Variants in PCDH15 observed in about 807,000 individuals in gnomAD.
The protein encoded by PCDH15 is protocadherin-15.
Under a neutral mutation model 178.5 loss-of-function variants are expected in PCDH15, and 129 were observed. The ratio of observed to expected loss-of-function variants is 0.72; its 90% CI spans 0.63 to 0.84. The LOEUF (loss-of-function observed/expected upper bound fraction) is 0.84, where lower values mean the gene tolerates loss of function less well. Among genes scored for constraint, PCDH15 ranks in the 40% least tolerant of loss-of-function variants. The pLI is 0.00. For missense variants in PCDH15, 2,230 were observed against 2,099.9 expected (o/e 1.06, Z -1.21); for synonymous variants, 800 against 732.0 (o/e 1.09, Z -1.50).
At chr10:54,405,476 T>C (rs1952525145) in intron 3 of PCDH15, among the ~76,000 whole-genome samples, 1 of 151,980 alleles carries the variant, frequency 6.6e-6, no homozygotes, top group South Asian at 2.1e-4. Flanking sequence ...AAGTGGGATA[T>C]TAATGATGAT....
At chr10:54,661,341 A>C (rs1051245647) in intron 2 of PCDH15, among the ~76,000 whole-genome samples, 1 of 151,986 alleles carries the variant, frequency 6.6e-6, no homozygotes, top group African/African-American at 2.4e-5. Flanking sequence ...AACAAAGGAG[A>C]CCAATGAGGT....
chr10:55,040,031 C>T (rs1286017073), intron 2 of PCDH15, among the ~76,000 whole-genome samples: 3 of 151,644 alleles, frequency 2.0e-5, no homozygotes, highest in East Asian at 1.9e-4. Context: ...ACAGAATTAC[C>T]CAAATTTAAC....
intron 2 of PCDH15, among the ~76,000 whole-genome samples, chr10:55,438,225 A>AC (rs59326838): frequency 2.0e-5 from 3 of 151,608 alleles, no homozygotes; most frequent in Admixed American, 6.6e-5. Context: ...ACACACACAC[A>AC]AAATACCTAC....
intron 7 of PCDH15, 109 bp from the exon 8 acceptor site, chr10:54,317,550 G>A: frequency 7.9e-7 from 1 of 1,264,276 alleles, no homozygotes; most frequent in Non-Finnish European, 1.1e-6. Context: ...CAAGGTGGGT[G>A]GATCACTTGA....
chr10:55,054,237 T>C (rs1279476306), intron 2 of PCDH15, among the ~76,000 whole-genome samples: 1 of 152,154 alleles, frequency 6.6e-6, no homozygotes, highest in Non-Finnish European at 1.5e-5. Context: ...TCTATGTGTT[T>C]TCATCATTTA....
intron 3 of PCDH15, among the ~76,000 whole-genome samples, chr10:54,443,809 G>C (rs958638248): frequency 1.3e-5 from 2 of 151,436 alleles, no homozygotes; most frequent in African/African-American, 4.8e-5. Flanking sequence ...TAATCAACCT[G>C]GCTGCTCTGA....
rs538159807 is a variant in PCDH15, at chr10:53,825,066, AG to A, written c.4367+2326del. ...AAGATCACTGTATTTACAGTACAAC[AG>A]CATTTTAATCTGTTCTATTGTATCT... On this transcript the variant is annotated intron_variant, in intron 32 of 37. Transcript: ENST00000644397. 3.5e-4 allele frequency: 513 copies of A among 1,450,734 alleles called. 1 individual carries two copies. Among genetic ancestry groups the A allele is most frequent in the Non-Finnish European group, 4.5e-4 (494 of 1,100,760 alleles). The allele number at this position is 1,450,734 out of a possible 1,614,324, so 89.9% of individuals were successfully genotyped here.
intron 2 of PCDH15, among the ~76,000 whole-genome samples, chr10:55,027,838 T>G (rs1459939177): frequency 6.6e-6 from 1 of 151,926 alleles, no homozygotes; most frequent in Non-Finnish European, 1.5e-5. Context: ...TTTTGTCAAT[T>G]ATATTTTAAT....
At chr10:54,853,868 G>A (rs1422530509) in intron 3 of PCDH15, among the ~76,000 whole-genome samples, 1 of 152,152 alleles carries the variant, frequency 6.6e-6, no homozygotes, top group Admixed American at 6.5e-5. Context: ...TATGCCACAA[G>A]ATCTTTGGGG....
chr10:55,408,823 CATCTT>C (rs553134030), intron 2 of PCDH15, among the ~76,000 whole-genome samples: 65 of 152,192 alleles, frequency 4.3e-4, no homozygotes, highest in African/African-American at 1.6e-3. Flanking sequence ...CACTAAAGCT[CATCTT>C]ATCTAAGTCA....
chr10:55,135,841 C>T (rs978165177), intron 2 of PCDH15, among the ~76,000 whole-genome samples: 1 of 152,004 alleles, frequency 6.6e-6, no homozygotes, highest in South Asian at 2.1e-4. Flanking sequence ...ACCTCAGCCT[C>T]CCAAAGTGCT....
At chr10:54,271,593 C>A (rs1388942113) in intron 8 of PCDH15, among the ~76,000 whole-genome samples, 1 of 152,094 alleles carries the variant, frequency 6.6e-6, no homozygotes, top group African/African-American at 2.4e-5. Context: ...TCCATAGGCA[C>A]AAGATTTTGT....
intron 2 of PCDH15, among the ~76,000 whole-genome samples, chr10:55,104,676 T>C (rs1842637030): frequency 6.6e-6 from 1 of 152,236 alleles, no homozygotes; most frequent in Non-Finnish European, 1.5e-5. Flanking sequence ...TTGTGGGCAA[T>C]TGAAGTAGGT....
chr10:55,537,345 T>C (rs1841601311), intron 2 of PCDH15, among the ~76,000 whole-genome samples: 1 of 152,182 alleles, frequency 6.6e-6, no homozygotes, highest in Admixed American at 6.6e-5. Context: ...CATTTCATTC[T>C]ATATAGTTAC....
intron 32 of PCDH15, among the ~76,000 whole-genome samples, chr10:53,820,855 CT>C (rs1488220300): frequency 6.6e-6 from 1 of 151,956 alleles, no homozygotes; most frequent in Non-Finnish European, 1.5e-5. Flanking sequence ...GTTTTATTTT[CT>C]TTGTTTAAAA....
At chr10:53,917,086 A>AT (rs2083590216) in intron 25 of PCDH15, among the ~76,000 whole-genome samples, 1 of 152,190 alleles carries the variant, frequency 6.6e-6, no homozygotes. Context: ...AAGTAAAATA[A>AT]TTTTATGAAA....
chr10:54,184,951 C>CA (rs1760244770), intron 12 of PCDH15, among the ~76,000 whole-genome samples, 183 bp downstream of exon 12: 2 of 150,956 alleles, frequency 1.3e-5, no homozygotes, highest in Admixed American at 6.6e-5. Context: ...ACACAAATTA[C>CA]AAAAAAAGAG....
At chr10:55,497,122 A>C (rs1375715016) in intron 2 of PCDH15, among the ~76,000 whole-genome samples, 1 of 151,760 alleles carries the variant, frequency 6.6e-6, no homozygotes, top group Admixed American at 6.6e-5. Flanking sequence ...ATCAGAATAC[A>C]TCATTTTACA....
chr10:54,221,798 T>A (rs2052848229), intron 9 of PCDH15, among the ~76,000 whole-genome samples: 2 of 152,126 alleles, frequency 1.3e-5, no homozygotes, highest in Admixed American at 1.3e-4. Flanking sequence ...AGACGGGGTT[T>A]CACCATGTTG....
Sources: allele counts gnomAD v4.1 joint callset (sites outside exome capture counted in the v4.1 genomes callset), GRCh38; gene constraint gnomAD v4.1.1; transcripts MANE v1.5; gene names NCBI Gene and HGNC (gene_info 2026-07-23, HGNC 2026-07-21).